Variants in TAFA5 observed in about 807,000 individuals in gnomAD.
The protein encoded by TAFA5 is TAFA chemokine like family member 5.
In TAFA5, 6 loss-of-function variants were observed where a neutral mutation model predicts 15.3. The ratio of observed to expected loss-of-function variants is 0.39; its 90% CI spans 0.21 to 0.77. The LOEUF (loss-of-function observed/expected upper bound fraction) is 0.77. Ranked by LOEUF, TAFA5 falls within the 30% of genes least tolerant of loss-of-function variation. The pLI is 0.41. For synonymous variants in TAFA5, 103 were observed against 80.7 expected, an observed-to-expected ratio of 1.28 and a Z score of -1.48; for missense variants, 161 against 193.1, an observed-to-expected ratio of 0.83 and a Z score of 0.98.
chr22:48,664,010 T>A (rs1927531607), intron 2 of TAFA5, among the ~76,000 whole-genome samples: 1 of 152,212 alleles, frequency 6.6e-6, no homozygotes, highest in Admixed American at 6.5e-5. Flanking sequence ...GTTGCTAAGA[T>A]CTACAGTAAA....
intron 1 of TAFA5, among the ~76,000 whole-genome samples, chr22:48,646,386 A>G (rs1926862825): frequency 6.6e-6 from 1 of 152,200 alleles, no homozygotes. Flanking sequence ...CACAGGGTGG[A>G]GTTCGCCGAC....
chr22:48,511,733 C>T (rs133515), intron 1 of TAFA5, among the ~76,000 whole-genome samples: 81,507 of 152,138 alleles, frequency 0.54, 23,580 homozygotes, highest in Middle Eastern at 0.74. Flanking sequence ...CCCATCTCTC[C>T]AGGTATCGGA....
chr22:48,691,372 T>C (rs1928536237), intron 2 of TAFA5, among the ~76,000 whole-genome samples: 1 of 152,180 alleles, frequency 6.6e-6, no homozygotes, highest in East Asian at 1.9e-4. Flanking sequence ...ATTTTTGGTA[T>C]CGTCATCCTC....
chr22:48,650,845 C>T (rs1384846826), intron 2 of TAFA5, among the ~76,000 whole-genome samples: 5 of 152,350 alleles, frequency 3.3e-5, no homozygotes, highest in South Asian at 2.1e-4. Context: ...CACCCAGGTG[C>T]GTGATGCCCT....
intron 1 of TAFA5, among the ~76,000 whole-genome samples, chr22:48,634,120 G>GCTCACTCGCTCACTCACTCACTCA (rs1555894536): frequency 2.7e-5 from 4 of 150,742 alleles, no homozygotes; most frequent in African/African-American, 9.8e-5. Context: ...TCACTCACTC[G>GCTCACTCGCTCACTCACTCACTCA]CTCACTCACT....
intron 1 of TAFA5, among the ~76,000 whole-genome samples, chr22:48,631,871 C>T (rs1926241499): frequency 6.6e-6 from 1 of 152,208 alleles, no homozygotes; most frequent in African/African-American, 2.4e-5. Context: ...AAGGCAACTT[C>T]TCAGCTCCTG....
At chr22:48,704,790 G>A (rs1484327891) in intron 2 of TAFA5, among the ~76,000 whole-genome samples, 13 of 79,434 alleles carry the variant, frequency 1.6e-4, no homozygotes, top group Admixed American at 1.5e-3. Context: ...TCAGGCTGCC[G>A]TAGCAAAACT....
chr22:48,673,175 TCTC>T (rs1927856403), intron 2 of TAFA5, among the ~76,000 whole-genome samples: 1 of 152,194 alleles, frequency 6.6e-6, no homozygotes, highest in African/African-American at 2.4e-5. Context: ...ACCGTCATCT[TCTC>T]CTCCAGCAAC....
rs576697222 is a variant in TAFA5 at position 48,718,716 on chromosome 22, T to A, written c.390+10872T>A. Among the ~76,000 whole-genome samples the A allele has an allele frequency of 3.3e-5, 5 of 152,276 alleles. No homozygotes were observed. The South Asian group carries it at 1.0e-3, about 32-fold the overall frequency. On this transcript the variant is annotated intron_variant, in intron 3 of 3. Coordinates refer to ENST00000402357, the MANE Select transcript of TAFA5 (RefSeq NM_001082967.3). The stretch of plus-strand genomic sequence containing the variant: ...TCAACCAGGAATTCACGCAGCCCTT[T>A]CGGATTCTGGAAGTTTCTTAAGTGA...
chr22:48,686,739 C>T (rs150423244), intron 2 of TAFA5, among the ~76,000 whole-genome samples: 40 of 148,892 alleles, frequency 2.7e-4, no homozygotes, highest in African/African-American at 9.5e-4. Context: ...GATGGTGAAT[C>T]GATTTTTGAA....
At chr22:48,657,918 T>A (rs1927303890) in intron 2 of TAFA5, among the ~76,000 whole-genome samples, 1 of 152,212 alleles carries the variant, frequency 6.6e-6, no homozygotes, top group African/African-American at 2.4e-5. Context: ...AGGTTCTTGA[T>A]GGTGTTTAAA....
chr22:48,532,431 A>C (rs149861089), intron 1 of TAFA5, among the ~76,000 whole-genome samples: 2,004 of 152,310 alleles, frequency 0.013, 24 homozygotes, highest in Non-Finnish European at 0.018. Flanking sequence ...GCTCAATCCC[A>C]AGGCTGTTCA....
chr22:48,744,023 C>T (rs1251411562), intron 3 of TAFA5, among the ~76,000 whole-genome samples: 1 of 152,200 alleles, frequency 6.6e-6, no homozygotes. Flanking sequence ...GCTGGGTTTG[C>T]CGTCGGGGAA....
chr22:48,502,196 G>T (rs1476186878), intron 1 of TAFA5, among the ~76,000 whole-genome samples: 1 of 152,236 alleles, frequency 6.6e-6, no homozygotes, highest in Non-Finnish European at 1.5e-5. Context: ...AGACTGAGGA[G>T]TCTGCCTGTC....
intron 2 of TAFA5, among the ~76,000 whole-genome samples, chr22:48,690,547 C>A (rs1601674931): frequency 6.6e-6 from 1 of 152,214 alleles, no homozygotes; most frequent in Non-Finnish European, 1.5e-5. Context: ...AGGGCCAGGG[C>A]CCCTGCATCC....
At chr22:48,508,169 G>A (rs1036422370) in intron 1 of TAFA5, among the ~76,000 whole-genome samples, 2 of 152,336 alleles carry the variant, frequency 1.3e-5, no homozygotes, top group African/African-American at 2.4e-5. Context: ...GTGACTGTCT[G>A]TGTGGGGGCT....
rs1448863767 is a variant in TAFA5 at position 48,560,176 on chromosome 22, G to C, written c.112+70472G>C. Among the ~76,000 whole-genome samples, 1 of 152,238 alleles carries C rather than the reference G, an allele frequency of 6.6e-6. No homozygotes were observed. The highest frequency in any genetic ancestry group is 1.5e-5 in the Non-Finnish European group (1 of 68,032). ...AGGAGCGTCACTGCTCTCAGCAGGGGACCGTTTCTCTAACGGGAGCCTGTC... is the reference window on the plus strand; with the variant it reads ...AGGAGCGTCACTGCTCTCAGCAGGGCACCGTTTCTCTAACGGGAGCCTGTC... On this transcript the variant is annotated intron_variant, in intron 1 of 3. Transcript: ENST00000402357. The surrounding 1 kb of genome is among the most constrained non-coding windows in gnomAD (Gnocchi z 4.2).
At chr22:48,608,676 T>C (rs1486118804) in intron 1 of TAFA5, among the ~76,000 whole-genome samples, 1 of 152,248 alleles carries the variant, frequency 6.6e-6, no homozygotes, top group African/African-American at 2.4e-5. Flanking sequence ...GGGCTGTTTT[T>C]ACCTGTGCGT....
chr22:48,574,562 T>C (rs1049584366), intron 1 of TAFA5, among the ~76,000 whole-genome samples: 2 of 152,118 alleles, frequency 1.3e-5, no homozygotes, highest in African/African-American at 2.4e-5. Flanking sequence ...GGCACGTCAA[T>C]ACTGGTGCAA....
Sources: gnomAD v4.1 joint callset for allele counts (sites outside exome capture counted in the v4.1 genomes callset) on GRCh38, gnomAD v4.1.1 for gene constraint, Gnocchi (gnomAD v3.1) non-coding constraint, MANE v1.5 for transcripts, NCBI Gene and HGNC (gene_info 2026-07-23, HGNC 2026-07-21) for gene names.